PCBP3: variants seen among roughly 807,000 people sequenced by gnomAD.
PCBP3 encodes poly(rC) binding protein 3.
PCBP3 carries 25 observed loss-of-function variants against 52.7 expected under a neutral mutation model. The observed-to-expected ratio is 0.47, with a 90% CI of 0.35 to 0.66. The LOEUF (loss-of-function observed/expected upper bound fraction) is 0.66. Ranked by LOEUF, PCBP3 falls within the 30% of genes least tolerant of loss-of-function variation. The probability of loss-of-function intolerance (pLI) is 0.01; values close to 1 mark genes in which losing one functional copy is unlikely to be tolerated. For missense variants in PCBP3, 391 were observed against 490.3 expected (o/e 0.80, Z 1.91); for synonymous variants, 162 against 183.0 (o/e 0.89, Z 0.93).
chr21:45,864,013 G>C (rs1569359129), intron 5 of PCBP3, among the ~76,000 whole-genome samples: 1 of 152,196 alleles, frequency 6.6e-6, no homozygotes, highest in Non-Finnish European at 1.5e-5. Flanking sequence ...TCCTTCTGAG[G>C]ACCCATAGCA....
intron 2 of PCBP3, among the ~76,000 whole-genome samples, chr21:45,700,779 T>G (rs1360433722): frequency 6.6e-6 from 1 of 152,182 alleles, no homozygotes; most frequent in Non-Finnish European, 1.5e-5. Flanking sequence ...TCTCAGGCAC[T>G]GCGTCCCTCA....
intron 4 of PCBP3, among the ~76,000 whole-genome samples, chr21:45,843,555 G>T (rs2093742738): frequency 1.3e-5 from 2 of 152,182 alleles, no homozygotes; most frequent in Middle Eastern, 3.4e-3. Flanking sequence ...TGTGAGTTCT[G>T]TTGCAGCTGT....
chr21:45,826,613 G>T (rs73380618), intron 4 of PCBP3, among the ~76,000 whole-genome samples: 1 of 152,072 alleles, frequency 6.6e-6, no homozygotes, highest in Non-Finnish European at 1.5e-5. Flanking sequence ...TATAAAACAT[G>T]CATAAAAGAT....
chr21:45,646,107 C>CTCTCTCTCTCTGTGTGTGTG (rs1555895746), intron 1 of PCBP3, among the ~76,000 whole-genome samples: 6 of 83,780 alleles, frequency 7.2e-5, no homozygotes, highest in Admixed American at 1.5e-4. Context: ...CTCTCTCTCT[C>CTCTCTCTCTCTGTGTGTGTG]TGTGTGTGTG....
chr21:45,797,755 T>G (rs1323414636), intron 4 of PCBP3, among the ~76,000 whole-genome samples: 1 of 3,016 alleles, frequency 3.3e-4, no homozygotes, highest in East Asian at 0.011. Flanking sequence ...ATAGAGAGAG[T>G]GAATGGATGT....
chr21:45,860,953 G>A (rs1406667753), intron 5 of PCBP3, among the ~76,000 whole-genome samples: 4 of 152,166 alleles, frequency 2.6e-5, no homozygotes, highest in Non-Finnish European at 4.4e-5. Context: ...TGACCCCTCC[G>A]AGCAGGGCCG....
chr21:45,760,228 A>C (rs960916237), intron 4 of PCBP3: 1 of 152,088 alleles, frequency 6.6e-6, no homozygotes. Flanking sequence ...TGCAGTGGCT[A>C]CTCATAGGCA....
chr21:45,836,555 T>G (rs2093594162), intron 4 of PCBP3: 1 of 150,988 alleles, frequency 6.6e-6, no homozygotes, highest in Non-Finnish European at 1.5e-5. Context: ...TCCCAGTATA[T>G]TCGTTAAAAT....
chr21:45,781,028 G>C (rs1198934974), intron 4 of PCBP3, among the ~76,000 whole-genome samples: 1 of 152,154 alleles, frequency 6.6e-6, no homozygotes, highest in Non-Finnish European at 1.5e-5. Context: ...CCCACAGGAA[G>C]GTGATCACCA....
chr21:45,909,572 C>A, intron 10 of PCBP3, 86 bp downstream of exon 10: 5 of 1,378,908 alleles, frequency 3.6e-6, no homozygotes, highest in Non-Finnish European at 5.0e-6. Flanking sequence ...CCTTCCTGAG[C>A]CTTGTCCCTG....
At position 45,777,194 on chromosome 21, in the gene PCBP3, G is replaced by GT. The variant is rs555006949; in HGVS notation, c.-126+21749dup. On this transcript the variant is annotated intron_variant, in intron 4 of 17. Coordinates refer to ENST00000681687, the MANE Select transcript of PCBP3 (RefSeq NM_001384156.1). The stretch of plus-strand genomic sequence containing the variant: ...TGGATATAGTCTTCTTGGATGGCAG[G>GT]TTTTTTTGTTTTTTGTTTTTTTCCC... Among the ~76,000 whole-genome samples, 11 of 152,148 alleles carry GT rather than the reference G, an allele frequency of 7.2e-5. No homozygotes were observed. The East Asian group carries it at 2.1e-3, about 29-fold the overall frequency.
At chr21:45,842,274 G>A (rs371849949) in intron 4 of PCBP3, among the ~76,000 whole-genome samples, 8 of 152,314 alleles carry the variant, frequency 5.3e-5, no homozygotes, top group African/African-American at 1.9e-4. Flanking sequence ...ACGATTTGGA[G>A]TTTCTCCATT....
chr21:45,822,112 C>T (rs79585251), intron 4 of PCBP3, among the ~76,000 whole-genome samples: 3,107 of 152,322 alleles, frequency 0.02, 115 homozygotes, highest in African/African-American at 0.071. Context: ...GACTATCACC[C>T]ATAGCCTCCG....
intron 4 of PCBP3, among the ~76,000 whole-genome samples, chr21:45,849,445 A>G (rs2093908639): frequency 6.6e-6 from 1 of 151,880 alleles, no homozygotes; most frequent in Admixed American, 6.6e-5. Flanking sequence ...ACCTTAAGTG[A>G]TCCTCCCGTC....
At chr21:45,892,214 A>G (rs1207668425) in intron 5 of PCBP3, among the ~76,000 whole-genome samples, 1 of 152,166 alleles carries the variant, frequency 6.6e-6, no homozygotes, top group East Asian at 1.9e-4. Flanking sequence ...TGCCTGCTTC[A>G]GGGAAGGGTG....
intron 7 of PCBP3, 76 bp downstream of exon 7, chr21:45,899,698 C>G (rs2095972317): frequency 1.8e-6 from 2 of 1,119,452 alleles, no homozygotes; most frequent in East Asian, 4.7e-5. Context: ...TCCCTGGGTA[C>G]TAGGTGGCAC....
chr21:45,794,171 G>C (rs55792054), intron 4 of PCBP3, among the ~76,000 whole-genome samples: 1 of 152,154 alleles, frequency 6.6e-6, no homozygotes, highest in Non-Finnish European at 1.5e-5. Flanking sequence ...ACTCACGCCC[G>C]TAGTATAGAA....
At chr21:45,907,516 T>C (rs575202320) in intron 9 of PCBP3, among the ~76,000 whole-genome samples, 1 of 152,320 alleles carries the variant, frequency 6.6e-6, no homozygotes, top group Admixed American at 6.5e-5. Flanking sequence ...TTCTAATCAG[T>C]TCCTACTGGA....
At chr21:45,713,911 T>C (rs1033992913) in intron 2 of PCBP3, among the ~76,000 whole-genome samples, 2 of 152,268 alleles carry the variant, frequency 1.3e-5, no homozygotes, top group Non-Finnish European at 2.9e-5. Flanking sequence ...GAAAGGGGCC[T>C]GTTGCCAGGA....
Sources: allele counts gnomAD v4.1 joint callset (sites outside exome capture counted in the v4.1 genomes callset), GRCh38; gene constraint gnomAD v4.1.1; transcripts MANE v1.5; gene names NCBI Gene and HGNC (gene_info 2026-07-23, HGNC 2026-07-21).